SPG11: variants seen among roughly 807,000 people sequenced by gnomAD.
The protein encoded by SPG11 is spatacsin.
Under a neutral mutation model 274.0 loss-of-function variants are expected in SPG11, and 222 were observed. That is an observed-to-expected ratio of 0.81 (90% CI 0.73 to 0.91). SPG11 has a LOEUF of 0.91. Ranked by LOEUF, SPG11 falls within the 40% of genes least tolerant of loss-of-function variation. The pLI, the probability that SPG11 is intolerant of heterozygous loss-of-function variation, is 0.00. For synonymous variants in SPG11, 1,144 were observed against 1,039.7 expected (o/e 1.10, Z -1.93); for missense variants, 3,114 against 2,872.7 (o/e 1.08, Z -1.92).
At chr15:44,647,273 A>C (rs2084635805) in intron 7 of SPG11, among the ~76,000 whole-genome samples, 1 of 152,224 alleles carries the variant, frequency 6.6e-6, no homozygotes, top group Admixed American at 6.5e-5. Context: ...ATAAAAAACA[A>C]ACAATAACAA....
At chr15:44,622,417 A>G (rs987340093) in intron 12 of SPG11, 70 bp from the exon 13 acceptor site, 14 of 1,261,082 alleles carry the variant, frequency 1.1e-5, no homozygotes, top group African/African-American at 1.5e-5. Flanking sequence ...ATGTCATGAG[A>G]TTATCAAATA....
Position 44,596,209 on chromosome 15 carries a change from T to C in SPG11, c.4308A>G (p.Gln1436=), listed in dbSNP as rs374059020. Reference sequence around the variant, plus strand: ...GAATTTCAAATAAATCGGTCATCTCTTGTTTGCTTCCTTGAAGTTCCTGGG... The same window carrying C: ...GAATTTCAAATAAATCGGTCATCTCCTGTTTGCTTCCTTGAAGTTCCTGGG... ...KCPQELQGSK[Q]EMTDLFEILL... The change falls in exon 25 of 40, where the codon CAA becomes CAG. Residue 1436 remains glutamine, a synonymous_variant. Transcript: ENST00000261866. The C allele has an allele frequency of 2.7e-5, 43 of 1,613,996 alleles. No homozygotes were observed. In the African/African-American group the frequency reaches 5.5e-4, roughly 21 times the overall value.
intron 4 of SPG11, among the ~76,000 whole-genome samples, chr15:44,654,743 G>C (rs2084887414): frequency 6.6e-6 from 1 of 151,280 alleles, no homozygotes; most frequent in African/African-American, 2.4e-5. Context: ...TGCTGAGACA[G>C]GAGAATCGCT....
chr15:44,604,422 G>A (rs1374309424), intron 20 of SPG11, among the ~76,000 whole-genome samples: 3 of 152,152 alleles, frequency 2.0e-5, no homozygotes, highest in Non-Finnish European at 2.9e-5. Context: ...GAGCACATTT[G>A]AGTTTTTTAT....
intron 30 of SPG11, among the ~76,000 whole-genome samples, chr15:44,582,174 C>T (rs907566884): frequency 1.3e-5 from 2 of 152,100 alleles, no homozygotes; most frequent in Non-Finnish European, 2.9e-5. Context: ...CAGTTCTACA[C>T]AATGTTTTCC....
intron 19 of SPG11, among the ~76,000 whole-genome samples, chr15:44,607,152 T>C (rs1238883932): frequency 3.9e-5 from 6 of 152,186 alleles, no homozygotes; most frequent in East Asian, 1.9e-4. Flanking sequence ...CAGATATATA[T>C]TTTGGTGCAT....
chr15:44,652,884 T>C (rs1245038117), intron 4 of SPG11, among the ~76,000 whole-genome samples: 1 of 152,188 alleles, frequency 6.6e-6, no homozygotes, highest in Non-Finnish European at 1.5e-5. Flanking sequence ...CTCAAACTCC[T>C]GACTTCCAGT....
intron 23 of SPG11, chr15:44,597,159 G>C (rs1338531830): frequency 1.5e-5 from 7 of 458,504 alleles, no homozygotes; most frequent in South Asian, 1.5e-4. Context: ...TGTTGCCTAG[G>C]CTGGAGTACA....
At chr15:44,603,322 G>A (rs78628002) in intron 20 of SPG11, among the ~76,000 whole-genome samples, 2,983 of 152,004 alleles carry the variant, frequency 0.02, 111 homozygotes, top group African/African-American at 0.068. Flanking sequence ...TGAATTCCTC[G>A]CCTCAAGCAA....
intron 20 of SPG11, among the ~76,000 whole-genome samples, chr15:44,603,881 CTTTT>C (rs959506665): frequency 6.6e-6 from 1 of 151,600 alleles, no homozygotes; most frequent in African/African-American, 2.4e-5. Flanking sequence ...TATTGTTTTT[CTTTT>C]TTTTAAATTG....
At chr15:44,572,980 CT>C (rs974510197) in intron 32 of SPG11, among the ~76,000 whole-genome samples, 160 bp from the exon 33 acceptor site, 1,468 of 83,282 alleles carry the variant, frequency 0.018, 10 homozygotes, top group African/African-American at 0.045. Context: ...GACAGGAGTT[CT>C]TTTTTTTTTT....
intron 35 of SPG11, 123 bp downstream of exon 35, chr15:44,569,275 C>T (rs1380324496): frequency 1.3e-6 from 1 of 755,602 alleles, no homozygotes; most frequent in African/African-American, 1.7e-5. Flanking sequence ...TTGGGGAGGT[C>T]CCTAATTCCT....
At chr15:44,636,941 A>C (rs1380602152) in intron 7 of SPG11, among the ~76,000 whole-genome samples, 3,485 of 118,070 alleles carry the variant, frequency 0.03, 71 homozygotes, top group Non-Finnish European at 0.049. Context: ...AAAAAAAAAA[A>C]AAAAAAAAAA....
rs905375533 is a variant in SPG11, at chr15:44,639,757, A to G, written c.1603-6120T>C. ...GGATTTGAAAAGATGAAAGAAAACT[A>G]TATTATTCTGATGTTATATGTATAT... On this transcript the variant is annotated intron_variant, in intron 7 of 39. Transcript: ENST00000261866. Among the ~76,000 whole-genome samples, 11 of 152,222 alleles carry G rather than the reference A, an allele frequency of 7.2e-5. No homozygotes were observed. In the East Asian group the frequency reaches 1.9e-3, roughly 27 times the overall value.
In SPG11 at chr15:44,622,228, T is replaced by C; in HGVS notation, c.2436A>G (p.Ser812=). 6.2e-7 allele frequency: 1 copy of C among 1,612,518 alleles called. No individual in the cohort carries two copies. The highest frequency in any genetic ancestry group is 8.5e-7 in the Non-Finnish European group (1 of 1,178,732). The change falls in exon 13 of 40, where the codon TCA becomes TCG. Residue 812 remains serine, a synonymous_variant. Transcript: ENST00000261866. ...AGGACTAATGAGACTACCTGGGAAATGACTGGATTTGCATATTTTCTTGGA... is the reference window on the plus strand; with the variant it reads ...AGGACTAATGAGACTACCTGGGAAACGACTGGATTTGCATATTTTCTTGGA... The part of the protein sequence containing the change: ...GHFQENMQIQ[S]FPRYWIKEQD...
intron 39 of SPG11, 37 bp downstream of exon 39, chr15:44,564,510 C>T: frequency 6.2e-7 from 1 of 1,609,224 alleles, no homozygotes; most frequent in Non-Finnish European, 8.5e-7. Context: ...AAAGCAGAGG[C>T]AAGGAGCAAT....
At chr15:44,652,287 A>G (rs777968039) in intron 4 of SPG11, 21 bp from the exon 5 acceptor site, 2 of 1,613,614 alleles carry the variant, frequency 1.2e-6, no homozygotes, top group South Asian at 2.2e-5. Flanking sequence ...AAATAATGAT[A>G]GACATATGAA....
intron 28 of SPG11, chr15:44,588,739 C>A: frequency 2.8e-6 from 1 of 351,594 alleles, no homozygotes; most frequent in Non-Finnish European, 5.9e-6. Flanking sequence ...TTTGATCAAC[C>A]GCGGGTACAT....
In SPG11 at chr15:44,663,590, C is replaced by G; in HGVS notation, c.58G>C (p.Ala20Pro). The G allele has an allele frequency of 6.3e-7, 1 of 1,596,682 alleles. No homozygotes were observed. Among genetic ancestry groups the G allele is most frequent in the South Asian group, 1.1e-5 (1 of 89,448 alleles). The change falls in exon 1 of 40, where the codon GCG becomes CCG. Residue 20 changes from alanine to proline, a missense_variant. Ala to Pro is a conservative substitution (Grantham distance 27, BLOSUM62 -1). Transcript: ENST00000261866. ...AASAGGSWGT[A>P]AMGRVLPMLL... Reference sequence around the variant, plus strand: ...ATCGGTAGAACCCGCCCCATGGCCGCGGTGCCCCAGCTACCGCCGGCGGAA... The same window carrying G: ...ATCGGTAGAACCCGCCCCATGGCCGGGGTGCCCCAGCTACCGCCGGCGGAA...
Sources: allele counts gnomAD v4.1 joint callset (sites outside exome capture counted in the v4.1 genomes callset), GRCh38; gene constraint gnomAD v4.1.1; transcripts MANE v1.5; gene names NCBI Gene and HGNC (gene_info 2026-07-23, HGNC 2026-07-21).